The following MAF variants were observed in gnomAD, a reference collection of about 807,000 sequenced individuals.
MAF encodes the protein transcription factor Maf.
Under a neutral mutation model 22.0 loss-of-function variants are expected in MAF, and 10 were observed. The observed-to-expected ratio is 0.45, with a 90% CI of 0.28 to 0.77. The LOEUF is 0.77. MAF is among the 30% of genes least tolerant of loss of function. The probability of loss-of-function intolerance (pLI) is 0.12; values close to 1 mark genes in which losing one functional copy is unlikely to be tolerated. For missense variants in MAF, 544 were observed against 548.4 expected, an observed-to-expected ratio of 0.99 and a Z score of 0.08; for synonymous variants, 337 against 255.8, an observed-to-expected ratio of 1.32 and a Z score of -3.03.
At chr16:79,523,289 T>C in the MAF span, among the ~76,000 whole-genome samples, 359 of 152,282 alleles carry the variant, frequency 2.4e-3, 1 homozygote, top group Non-Finnish European at 3.8e-3. Context: ...TGTAACTAAT[T>C]CTCTAGGGTG....
the MAF span, among the ~76,000 whole-genome samples, chr16:79,530,222 G>A: frequency 9.7e-4 from 147 of 152,228 alleles, 3 homozygotes; most frequent in South Asian, 0.022. Flanking sequence ...GAACACACCT[G>A]AAGATTCCCA....
the MAF span, among the ~76,000 whole-genome samples, chr16:79,466,748 G>A: frequency 6.6e-6 from 1 of 152,212 alleles, no homozygotes; most frequent in Non-Finnish European, 1.5e-5. Context: ...CACCTAATGT[G>A]GTACCTTTTA....
At chr16:79,272,135 C>T in the MAF span, among the ~76,000 whole-genome samples, 8 of 152,168 alleles carry the variant, frequency 5.3e-5, no homozygotes, top group African/African-American at 1.9e-4. Context: ...AGGCGGGGGC[C>T]CCCACCAGGG....
the MAF span, among the ~76,000 whole-genome samples, chr16:79,207,256 T>C: frequency 6.6e-6 from 1 of 152,218 alleles, no homozygotes; most frequent in Non-Finnish European, 1.5e-5. Flanking sequence ...TGGCTTTGCA[T>C]TTGAGAAGTA....
the MAF span, among the ~76,000 whole-genome samples, chr16:79,295,890 T>C: frequency 6.6e-6 from 1 of 152,240 alleles, no homozygotes; most frequent in African/African-American, 2.4e-5. Flanking sequence ...CCAAGGCATT[T>C]AGGACAAGAA....
At chr16:79,362,234 A>C in the MAF span, among the ~76,000 whole-genome samples, 1 of 152,170 alleles carries the variant, frequency 6.6e-6, no homozygotes, top group Non-Finnish European at 1.5e-5. Flanking sequence ...CAGTGCACAT[A>C]AATATTGTTT....
the MAF span, among the ~76,000 whole-genome samples, chr16:79,358,134 G>T: frequency 6.6e-6 from 1 of 152,202 alleles, no homozygotes; most frequent in African/African-American, 2.4e-5. Context: ...AGGAAGGGCA[G>T]CAGGGCCAGG....
At chr16:79,237,206 C>G in the MAF span, among the ~76,000 whole-genome samples, 1 of 151,980 alleles carries the variant, frequency 6.6e-6, no homozygotes, top group Non-Finnish European at 1.5e-5. Flanking sequence ...AATGTTATGG[C>G]ACGCAGTTGG....
the MAF span, among the ~76,000 whole-genome samples, chr16:79,496,068 T>C: frequency 6.6e-6 from 1 of 152,166 alleles, no homozygotes; most frequent in African/African-American, 2.4e-5. Context: ...GACCCTGAGC[T>C]AGAGGAGTTA....
chr16:79,373,863 A>G, the MAF span, among the ~76,000 whole-genome samples: 1 of 152,208 alleles, frequency 6.6e-6, no homozygotes, highest in Non-Finnish European at 1.5e-5. Context: ...CTTTTAAAAT[A>G]AATTACCCCA....
chr16:79,251,310 C>T, the MAF span, among the ~76,000 whole-genome samples: 1 of 107,170 alleles, frequency 9.3e-6, no homozygotes, highest in East Asian at 2.2e-4. Flanking sequence ...CTTTTTAAGT[C>T]TTTATCTTTT....
At chr16:79,377,197 C>A in the MAF span, among the ~76,000 whole-genome samples, 1 of 151,600 alleles carries the variant, frequency 6.6e-6, no homozygotes, top group African/African-American at 2.4e-5. Context: ...TGTTTCCTGA[C>A]TTTTTAATGA....
chr16:79,551,603 T>C, the MAF span, among the ~76,000 whole-genome samples: 1 of 152,166 alleles, frequency 6.6e-6, no homozygotes, highest in Non-Finnish European at 1.5e-5. Context: ...TGTATAACTG[T>C]CTTTTAGGGA....
the MAF span, among the ~76,000 whole-genome samples, chr16:79,276,212 T>C: frequency 9.9e-5 from 15 of 152,128 alleles, no homozygotes; most frequent in Non-Finnish European, 1.8e-4. Context: ...CTGGAGTTTT[T>C]CTGCCAGCCT....
chr16:79,400,422 G>T, the MAF span, among the ~76,000 whole-genome samples: 278 of 152,336 alleles, frequency 1.8e-3, 1 homozygote, highest in African/African-American at 6.4e-3. Flanking sequence ...ACCCCACAAG[G>T]TCTTAGGAAG....
chr16:79,512,302 G>A, the MAF span, among the ~76,000 whole-genome samples: 1 of 152,202 alleles, frequency 6.6e-6, no homozygotes, highest in East Asian at 1.9e-4. Context: ...GTTTCTCCAC[G>A]AAGCCAGTAT....
the MAF span, among the ~76,000 whole-genome samples, chr16:79,313,092 C>T: frequency 6.6e-6 from 1 of 152,096 alleles, no homozygotes; most frequent in East Asian, 1.9e-4. Flanking sequence ...TCGGTTTCTT[C>T]GTCTGCAAAG....
At position 79,599,174 on chromosome 16, in the gene MAF, C is replaced by G; in HGVS notation, c.729G>C (p.Gly243=). The G allele has an allele frequency of 8.3e-7, 1 of 1,200,012 alleles. No individual in the cohort carries two copies. Among genetic ancestry groups the G allele is most frequent in the Non-Finnish European group, 1.0e-6 (1 of 964,870 alleles). 74.3% of individuals were successfully genotyped at this position (1,200,012 alleles called of 1,614,324 possible). A position where few individuals can be genotyped will look rare whatever the true frequency, so the allele number is the denominator to read the frequency against. ...CGGCGTGGTGCGGGTGCAGGGCGCC[C>G]CCCGCCCCCGCCGCGCCCCCGCCGC... ...GGGGGGAAGA[G]GALHPHHAAG... is the part of the protein sequence containing the mutation. Residue 243 remains glycine (G), a synonymous_variant, in exon 1 of 2, where the codon GGG becomes GGC. Transcript: ENST00000326043.
At chr16:79,221,973 C>A in the MAF span, among the ~76,000 whole-genome samples, 2 of 151,966 alleles carry the variant, frequency 1.3e-5, no homozygotes, top group African/African-American at 2.4e-5. Context: ...GACAGAGAAA[C>A]GTTTTTCTTA....
Sources: allele counts gnomAD v4.1 joint callset (sites outside exome capture counted in the v4.1 genomes callset), GRCh38; gene constraint gnomAD v4.1.1; transcripts MANE v1.5; gene names NCBI Gene and HGNC (gene_info 2026-07-23, HGNC 2026-07-21).